The following GRID2 variants were observed in gnomAD, a reference collection of about 807,000 sequenced individuals.
The protein encoded by GRID2 is glutamate receptor ionotropic, delta-2.
GRID2 carries 33 observed loss-of-function variants against 114.8 expected under a neutral mutation model. The observed-to-expected ratio is 0.29, with a 90% CI of 0.22 to 0.38. The LOEUF is 0.38. Ranked by LOEUF, GRID2 falls within the 10% of genes least tolerant of loss-of-function variation. The pLI is 1.00. For synonymous variants in GRID2, 505 were observed against 449.9 expected, an observed-to-expected ratio of 1.12 and a Z score of -1.55; for missense variants, 1,184 against 1,257.7, an observed-to-expected ratio of 0.94 and a Z score of 0.89.
chr4:93,587,783 T>G (rs1177837771), intron 13 of GRID2, among the ~76,000 whole-genome samples: 3 of 152,132 alleles, frequency 2.0e-5, no homozygotes, highest in Non-Finnish European at 4.4e-5. Flanking sequence ...TATAATTTTA[T>G]GAGTAAATTA....
intron 14 of GRID2, among the ~76,000 whole-genome samples, chr4:93,665,985 G>A (rs899630340): frequency 5.9e-5 from 9 of 151,944 alleles, no homozygotes; most frequent in Admixed American, 4.6e-4. Context: ...TATCAGAATC[G>A]GTTGAGTAGT....
At chr4:93,452,711 A>G (rs1048227311) in intron 10 of GRID2, among the ~76,000 whole-genome samples, 11 of 152,120 alleles carry the variant, frequency 7.2e-5, no homozygotes, top group African/African-American at 2.4e-4. Context: ...TCTCTATATA[A>G]TAACAGTAGG....
Position 93,669,196 on chromosome 4 carries a change from T to C in GRID2, c.2360+42761T>C, listed in dbSNP as rs1724193586. ...ATTAGACATACAGGAAGCCTCTGAG[T>C]TAATGTGGGGTCATGTTTCTAAATA... On this transcript the variant is annotated intron_variant, in intron 14 of 15. Coordinates refer to ENST00000282020, the MANE Select transcript of GRID2 (RefSeq NM_001510.4). Among the ~76,000 whole-genome samples, 3 of 151,950 alleles carry C rather than the reference T, an allele frequency of 2.0e-5. No homozygotes were observed. The South Asian group carries it at 6.2e-4, about 31-fold the overall frequency.
At chr4:93,417,211 C>T (rs1023450056) in intron 9 of GRID2, among the ~76,000 whole-genome samples, 4 of 152,040 alleles carry the variant, frequency 2.6e-5, no homozygotes, top group Admixed American at 2.0e-4. Context: ...CCATAATCTC[C>T]TGTCATCTGG....
intron 3 of GRID2, among the ~76,000 whole-genome samples, chr4:93,099,453 A>G (rs910598181): frequency 6.6e-6 from 1 of 151,922 alleles, no homozygotes; most frequent in African/African-American, 2.4e-5. Flanking sequence ...GTAACCTTAT[A>G]TAAATCTCCA....
chr4:93,545,330 G>C (rs924478290), intron 13 of GRID2, among the ~76,000 whole-genome samples: 1 of 152,146 alleles, frequency 6.6e-6, no homozygotes, highest in Non-Finnish European at 1.5e-5. Context: ...TGTATATGAC[G>C]TTGTACTGCT....
chr4:93,058,952 T>C (rs72665243), intron 2 of GRID2, among the ~76,000 whole-genome samples: 3,102 of 152,108 alleles, frequency 0.02, 41 homozygotes, highest in Middle Eastern at 0.044. Context: ...GCAAAACAGG[T>C]GTGTATTCAA....
chr4:92,913,854 T>C (rs551135996), intron 2 of GRID2, among the ~76,000 whole-genome samples: 8 of 152,142 alleles, frequency 5.3e-5, no homozygotes, highest in African/African-American at 1.9e-4. Context: ...GAAATTCCTC[T>C]TCCCTCACAA....
intron 2 of GRID2, among the ~76,000 whole-genome samples, chr4:93,069,512 A>G (rs961683053): frequency 6.6e-6 from 1 of 151,996 alleles, no homozygotes; most frequent in Non-Finnish European, 1.5e-5. Context: ...CCCAACCCCC[A>G]ACATAGAAAC....
intron 4 of GRID2, among the ~76,000 whole-genome samples, chr4:93,129,043 C>G (rs1358781070): frequency 6.6e-6 from 1 of 152,118 alleles, no homozygotes; most frequent in Non-Finnish European, 1.5e-5. Flanking sequence ...ACCTAGCAGT[C>G]CAACCTTCTC....
intron 1 of GRID2, among the ~76,000 whole-genome samples, chr4:92,558,048 G>A (rs1726940649): frequency 6.6e-6 from 1 of 151,952 alleles, no homozygotes; most frequent in South Asian, 2.1e-4. Flanking sequence ...TCTATTTTTG[G>A]AGCCAATGAA....
intron 9 of GRID2, among the ~76,000 whole-genome samples, chr4:93,420,983 G>T (rs564290879): frequency 6.6e-6 from 1 of 152,090 alleles, no homozygotes; most frequent in Non-Finnish European, 1.5e-5. Flanking sequence ...TCAATCTCCT[G>T]ACCTCGTGAT....
intron 1 of GRID2, among the ~76,000 whole-genome samples, chr4:93,785,534 CTGA>C (rs1406757140): frequency 1.3e-5 from 2 of 152,094 alleles, no homozygotes; most frequent in African/African-American, 4.8e-5. Context: ...AGAAGTCAAG[CTGA>C]TAAAAGGAAA....
chr4:92,497,934 G>A (rs914934568), intron 1 of GRID2, among the ~76,000 whole-genome samples: 1 of 151,548 alleles, frequency 6.6e-6, no homozygotes, highest in Admixed American at 6.6e-5. Flanking sequence ...TTAAATCTTA[G>A]CTGCATAAGT....
chr4:93,697,865 G>GTATATA lies in GRID2; in HGVS notation c.2361-71344_2361-71343insATATAT, dbSNP rs574552355. Among the ~76,000 whole-genome samples the GTATATA allele has an allele frequency of 9.3e-3, 699 of 74,888 alleles. 18 individuals are homozygous for GTATATA. Among genetic ancestry groups the GTATATA allele is most frequent in the African/African-American group, 0.024 (670 of 27,720 alleles). The allele number at this position is 74,888 out of a possible 152,430, so 49.1% of individuals were successfully genotyped here. ...TGGCTCAATTTAGTCATTCCACAAT[G>GTATATA]TGTGTATATATATATTTCAAAACAA... On this transcript the variant is annotated intron_variant, in intron 14 of 15. Coordinates refer to ENST00000282020, the MANE Select transcript of GRID2 (RefSeq NM_001510.4).
rs185549858 is a variant in GRID2 at position 93,768,941 on chromosome 4, A to T, written c.2361-269A>T. 1.0e-3 allele frequency among the ~76,000 whole-genome samples: 158 copies of T among 152,054 alleles called. No homozygotes were observed. In the East Asian group the frequency reaches 0.018, roughly 17 times the overall value. On this transcript the variant is annotated intron_variant, in intron 14 of 15. Coordinates refer to ENST00000282020, the MANE Select transcript of GRID2 (RefSeq NM_001510.4). ...TAGAATTATAGAATGAAACCAGAAG[A>T]AGAAGAATAGGAAGAAAAGGAGAGA...
At chr4:93,486,143 T>C (rs941564358) in intron 11 of GRID2, among the ~76,000 whole-genome samples, 4 of 151,766 alleles carry the variant, frequency 2.6e-5, no homozygotes, top group African/African-American at 9.7e-5. Flanking sequence ...TGTTTTTTAA[T>C]TCTATGTTGT....
chr4:92,684,559 C>A (rs1733809663), intron 2 of GRID2, among the ~76,000 whole-genome samples: 1 of 151,882 alleles, frequency 6.6e-6, no homozygotes, highest in South Asian at 2.1e-4. Flanking sequence ...TTGTGAATTA[C>A]AATGATCAAA....
At chr4:92,780,167 T>C (rs1223639618) in intron 2 of GRID2, among the ~76,000 whole-genome samples, 1 of 152,140 alleles carries the variant, frequency 6.6e-6, no homozygotes, top group Non-Finnish European at 1.5e-5. Context: ...AAACTAATAA[T>C]AGAGCAAATA....
Sources: gnomAD v4.1 joint callset for allele counts (sites outside exome capture counted in the v4.1 genomes callset) on GRCh38, gnomAD v4.1.1 for gene constraint, MANE v1.5 for transcripts, NCBI Gene and HGNC (gene_info 2026-07-23, HGNC 2026-07-21) for gene names.